TBCK: variants seen among roughly 807,000 people sequenced by gnomAD.
The protein encoded by TBCK is TBC domain-containing protein kinase-like protein.
A neutral mutation model predicts 113.4 loss-of-function variants in TBCK; 99 were observed. The observed-to-expected ratio is 0.87, with a 90% CI of 0.74 to 1.03. The LOEUF is 1.03. Ranked by LOEUF, TBCK falls within the 50% of genes least tolerant of loss-of-function variation. TBCK has a pLI of 0.00. For missense variants in TBCK, 1,045 were observed against 1,061.3 expected, an observed-to-expected ratio of 0.98 and a Z score of 0.21; for synonymous variants, 369 against 370.8, an observed-to-expected ratio of 1.00 and a Z score of 0.05.
In TBCK at chr4:106,242,494, T is replaced by G. The variant is rs534283045; in HGVS notation, c.1146A>C (p.Thr382=). The G allele has an allele frequency of 6.2e-7, 1 of 1,606,314 alleles. No individual in the cohort carries two copies. The highest frequency in any genetic ancestry group is 1.3e-5 in the African/African-American group (1 of 74,756). The change falls in exon 12 of 26, where the codon ACA becomes ACC. Residue 382 remains threonine, a synonymous_variant. Transcript: ENST00000394708. The part of the protein sequence containing the change: ...RSSLLDDTTV[T]LSLCQLRNRL... ...CATTTCTTAGCTGGCATAACGACAA[T>G]GTCACAGTGGTATCATCTAAAAGCG...
chr4:106,143,636 C>A (rs7677394), intron 23 of TBCK, among the ~76,000 whole-genome samples: 4,916 of 152,162 alleles, frequency 0.032, 388 homozygotes, highest in East Asian at 0.28. Context: ...AAAGGCAGGC[C>A]GGGTGCCGTG....
At chr4:106,110,825 T>A (rs922953202) in intron 24 of TBCK, among the ~76,000 whole-genome samples, 15 of 151,512 alleles carry the variant, frequency 9.9e-5, no homozygotes, top group African/African-American at 3.6e-4. Flanking sequence ...CAGGAAAAAA[T>A]AACAAAGAGG....
chr4:106,295,403 G>A (rs370287074), intron 2 of TBCK, among the ~76,000 whole-genome samples: 21 of 151,566 alleles, frequency 1.4e-4, no homozygotes, highest in African/African-American at 2.7e-4. Flanking sequence ...TCTTACATAC[G>A]TCAGGAAAAA....
intron 23 of TBCK, among the ~76,000 whole-genome samples, chr4:106,156,067 G>C (rs1749085523): frequency 6.6e-6 from 1 of 152,100 alleles, no homozygotes; most frequent in South Asian, 2.1e-4. Context: ...TGAGTGTTGT[G>C]ATCTAAGCTA....
chr4:106,214,225 A>G (rs971123118), intron 19 of TBCK, among the ~76,000 whole-genome samples: 2 of 151,226 alleles, frequency 1.3e-5, no homozygotes, highest in Non-Finnish European at 2.9e-5. Context: ...TGTACATCAC[A>G]ATCATCAAAG....
At chr4:106,247,553 C>T (rs1445190062) in intron 9 of TBCK, 9 of 297,242 alleles carry the variant, frequency 3.0e-5, no homozygotes, top group Non-Finnish European at 5.5e-5. Context: ...GCATTGTTTA[C>T]TTTTACCCTG....
chr4:106,116,493 T>G (rs772528069), intron 23 of TBCK, 115 bp from the exon 24 acceptor site: 52 of 881,188 alleles, frequency 5.9e-5, no homozygotes, highest in Non-Finnish European at 8.8e-5. Flanking sequence ...AAGAGGAAAC[T>G]ATCTAATTTT....
chr4:106,174,043 T>G (rs1751336499), intron 22 of TBCK, among the ~76,000 whole-genome samples: 1 of 152,064 alleles, frequency 6.6e-6, no homozygotes, highest in African/African-American at 2.4e-5. Context: ...ACTGAACTAT[T>G]TTCAATATGA....
chr4:106,201,335 T>C (rs1047729018), intron 20 of TBCK, among the ~76,000 whole-genome samples: 1 of 152,046 alleles, frequency 6.6e-6, no homozygotes, highest in African/African-American at 2.4e-5. Flanking sequence ...CTTCATAATA[T>C]AGCCTGATAT....
intron 2 of TBCK, among the ~76,000 whole-genome samples, chr4:106,305,956 T>G (rs910506413): frequency 5.3e-5 from 8 of 152,142 alleles, no homozygotes; most frequent in Non-Finnish European, 2.9e-5. Flanking sequence ...ACCATAAAAA[T>G]GGACAACCAG....
chr4:106,226,862 AGTAAGAAT>A (rs1412314482), intron 19 of TBCK, among the ~76,000 whole-genome samples: 2 of 152,122 alleles, frequency 1.3e-5, no homozygotes, highest in Non-Finnish European at 2.9e-5. Context: ...GGAAGCTATT[AGTAAGAAT>A]GGGGCACATC....
intron 3 of TBCK, among the ~76,000 whole-genome samples, chr4:106,289,558 C>G (rs1007916345): frequency 6.6e-6 from 1 of 151,930 alleles, no homozygotes; most frequent in Non-Finnish European, 1.5e-5. Context: ...ATCATGAGGT[C>G]AGGAGTTCGA....
At chr4:106,310,001 G>A (rs1768022480) in intron 1 of TBCK, 1 of 151,956 alleles carries the variant, frequency 6.6e-6, no homozygotes, top group Non-Finnish European at 1.5e-5. Flanking sequence ...ATATCAATCT[G>A]AATCACATTA....
At chr4:106,093,615 C>T (rs931999362) in intron 25 of TBCK, among the ~76,000 whole-genome samples, 2 of 152,154 alleles carry the variant, frequency 1.3e-5, no homozygotes, top group African/African-American at 4.8e-5. Context: ...AAGTTCTAAT[C>T]TGACTTTTAC....
chr4:106,308,858 A>C lies in TBCK; in HGVS notation c.103T>G (p.Ser35Ala). Residue 35 changes from serine (S) to alanine (A), a missense_variant, in exon 2 of 26, where the codon TCC becomes GCC. Coordinates refer to ENST00000394708, the MANE Select transcript of TBCK (RefSeq NM_001163435.3). ...TGAAAGCGCCCTAAAATTTTGATGG[A>C]ATTTGGTGTGAGAGGAAGTCCATTG... is the stretch of plus-strand genomic sequence containing the variant. ...GSNGLPLTPN[S>A]IKILGRFQIL... 6.2e-7 allele frequency: 1 copy of C among 1,614,154 alleles called. No individual in the cohort carries two copies. Among genetic ancestry groups the C allele is most frequent in the Non-Finnish European group, 8.5e-7 (1 of 1,180,012 alleles).
chr4:106,111,132 A>C (rs1158558807), intron 24 of TBCK, among the ~76,000 whole-genome samples: 1 of 152,052 alleles, frequency 6.6e-6, no homozygotes, highest in Non-Finnish European at 1.5e-5. Context: ...TCAAAATCCT[A>C]TTTGGGTAGA....
At chr4:106,281,586 C>T (rs1764600316) in intron 3 of TBCK, among the ~76,000 whole-genome samples, 1 of 151,898 alleles carries the variant, frequency 6.6e-6, no homozygotes, top group Admixed American at 6.6e-5. Flanking sequence ...TATTATGTTG[C>T]TTATATCCCT....
chr4:106,222,112 T>A (rs887767092), intron 19 of TBCK, among the ~76,000 whole-genome samples: 51 of 152,154 alleles, frequency 3.4e-4, no homozygotes, highest in Admixed American at 3.3e-3. Context: ...AAGGTTCTTA[T>A]TAAATTTCCC....
At chr4:106,159,019 T>A (rs1749437936) in intron 23 of TBCK, among the ~76,000 whole-genome samples, 1 of 151,010 alleles carries the variant, frequency 6.6e-6, no homozygotes. Flanking sequence ...ATACATTACA[T>A]TAACAGAATG....
Sources: gnomAD v4.1 joint callset for allele counts (sites outside exome capture counted in the v4.1 genomes callset) on GRCh38, gnomAD v4.1.1 for gene constraint, MANE v1.5 for transcripts, NCBI Gene and HGNC (gene_info 2026-07-23, HGNC 2026-07-21) for gene names.